DKK3: variants seen among roughly 807,000 people sequenced by gnomAD.
DKK3 encodes dickkopf Wnt signaling pathway inhibitor 3.
In DKK3, 22 loss-of-function variants were observed where a neutral mutation model predicts 33.2. The ratio of observed to expected loss-of-function variants is 0.66; its 90% CI spans 0.47 to 0.95. DKK3 has a LOEUF of 0.95. Ranked by LOEUF, DKK3 falls within the 40% of genes least tolerant of loss-of-function variation. The pLI, the probability that DKK3 is intolerant of heterozygous loss-of-function variation, is 0.00. For missense variants in DKK3, 398 were observed against 458.4 expected (o/e 0.87, Z 1.20); for synonymous variants, 194 against 188.8 (o/e 1.03, Z -0.23).
chr11:11,977,232 C>A (rs1362689184), intron 3 of DKK3, among the ~76,000 whole-genome samples: 1 of 152,130 alleles, frequency 6.6e-6, no homozygotes, highest in East Asian at 1.9e-4. Flanking sequence ...GCCTGTCATG[C>A]CTTCCTTAAT....
At chr11:11,996,246 A>G (rs1848290791) in intron 3 of DKK3, among the ~76,000 whole-genome samples, 1 of 152,220 alleles carries the variant, frequency 6.6e-6, no homozygotes, top group African/African-American at 2.4e-5. Flanking sequence ...ATAGAATGAG[A>G]CAGTGGTGAC....
At chr11:12,009,421 G>T (rs1247046538), upstream of DKK3, 33 of 962,946 alleles carry the variant, frequency 3.4e-5, no homozygotes, top group Admixed American at 6.5e-5. Flanking sequence ...CCGCGGAGGG[G>T]CCGCAGCCCG....
chr11:11,989,310 C>T (rs537056551), intron 3 of DKK3, among the ~76,000 whole-genome samples: 1 of 152,188 alleles, frequency 6.6e-6, no homozygotes, highest in South Asian at 2.1e-4. Flanking sequence ...TGGAAGCAAC[C>T]CAAGGGTGCA....
At chr11:11,965,991 G>A (rs1224589979) in intron 5 of DKK3, 26 bp from the exon 6 acceptor site, 13 of 1,596,242 alleles carry the variant, frequency 8.1e-6, no homozygotes, top group African/African-American at 1.3e-5. Context: ...AGTCACCCCT[G>A]TGTGCCCCGT....
chr11:11,990,839 T>C (rs562311218), intron 3 of DKK3, among the ~76,000 whole-genome samples: 2 of 152,316 alleles, frequency 1.3e-5, no homozygotes, highest in African/African-American at 4.8e-5. Flanking sequence ...CTAGACAACA[T>C]TCAAAATACA....
chr11:11,968,851 G>A (rs2087882), intron 3 of DKK3: 64,565 of 160,098 alleles, frequency 0.4, 13,968 homozygotes, highest in Admixed American at 0.57. Flanking sequence ...GTCCAGGCCC[G>A]CCCGACTGCA....
intron 1 of DKK3, among the ~76,000 whole-genome samples, chr11:12,005,502 T>C (rs952228266): frequency 6.6e-6 from 1 of 152,178 alleles, no homozygotes; most frequent in African/African-American, 2.4e-5. Context: ...TCAGAATACA[T>C]TGATTGGTAG....
intron 3 of DKK3, among the ~76,000 whole-genome samples, chr11:11,992,104 T>C (rs567239239): frequency 3.9e-5 from 6 of 152,364 alleles, no homozygotes; most frequent in East Asian, 1.9e-4. Context: ...TTAATACTGA[T>C]AATTTTGATA....
intron 1 of DKK3, among the ~76,000 whole-genome samples, chr11:12,006,590 C>T (rs541383152): frequency 6.6e-6 from 1 of 152,260 alleles, no homozygotes; most frequent in Non-Finnish European, 1.5e-5. Flanking sequence ...CAAACTTCAA[C>T]CCCCCAACCT....
At chr11:11,977,585 TC>T (rs1396920376) in intron 3 of DKK3, among the ~76,000 whole-genome samples, 4 of 152,128 alleles carry the variant, frequency 2.6e-5, no homozygotes, top group Admixed American at 2.6e-4. Context: ...CTCTACCCAC[TC>T]CCCCCAACAC....
chr11:11,994,153 C>T (rs1340577763), intron 3 of DKK3, among the ~76,000 whole-genome samples: 1 of 152,154 alleles, frequency 6.6e-6, no homozygotes, highest in African/African-American at 2.4e-5. Flanking sequence ...CCTTTCGCAT[C>T]TCCCCCCAGT....
chr11:12,000,855 C>G (rs185049619), intron 2 of DKK3, among the ~76,000 whole-genome samples: 1 of 152,134 alleles, frequency 6.6e-6, no homozygotes, highest in Non-Finnish European at 1.5e-5. Flanking sequence ...TTGAGAACTA[C>G]TGCACTGTGT....
intron 2 of DKK3, 128 bp from the exon 3 acceptor site, chr11:11,998,907 C>G (rs1848361966): frequency 1.3e-6 from 1 of 764,188 alleles, no homozygotes; most frequent in Non-Finnish European, 2.2e-6. Flanking sequence ...AAATGCCCAC[C>G]CCGCTTTCTT....
chr11:11,969,600 C>G (rs1162790651), intron 3 of DKK3, among the ~76,000 whole-genome samples: 1 of 152,160 alleles, frequency 6.6e-6, no homozygotes, highest in East Asian at 1.9e-4. Context: ...GCCTGGTATT[C>G]TGGGGCCCAG....
rs576452741 is a variant in DKK3, at chr11:12,004,343, C to T, written c.214-1906G>A. Reference sequence around the variant, plus strand: ...ACTACAGCAAGTTCCAGAAGGCTAGCGGGAAATAATATAAAGAGTAGATCA... The same window carrying T: ...ACTACAGCAAGTTCCAGAAGGCTAGTGGGAAATAATATAAAGAGTAGATCA... On this transcript the variant is annotated intron_variant, in intron 1 of 6. Transcript: ENST00000683431. Among the ~76,000 whole-genome samples the T allele has an allele frequency of 6.6e-5, 10 of 152,104 alleles. No homozygotes were observed. In the South Asian group the frequency reaches 1.0e-3, roughly 16 times the overall value.
At chr11:12,007,846 T>C (rs1485077810) in intron 1 of DKK3, among the ~76,000 whole-genome samples, 1 of 152,188 alleles carries the variant, frequency 6.6e-6, no homozygotes, top group Non-Finnish European at 1.5e-5. Flanking sequence ...GATTTCCATC[T>C]TCCCTCTCTG....
chr11:12,007,513 G>A (rs1416818963), intron 1 of DKK3, among the ~76,000 whole-genome samples: 1 of 152,206 alleles, frequency 6.6e-6, no homozygotes, highest in Non-Finnish European at 1.5e-5. Context: ...GACCATCACA[G>A]AGGACAGAAC....
chr11:12,002,360 C>T lies in DKK3; in HGVS notation c.291G>A (p.Glu97=), dbSNP rs201692913. ...TTCCAACCTTCGTGTCTGTGTTGGT[C>T]TCATTGTGATAGCTGGGAGGTAAGT... The part of the protein sequence containing the change: ...LANLPPSYHN[E]TNTDTKVGNN... The change falls in exon 2 of 7, where the codon GAG becomes GAA. Residue 97 remains glutamate (E), a synonymous_variant. Coordinates refer to ENST00000683431, the MANE Select transcript of DKK3 (RefSeq NM_001018057.2). The T allele has an allele frequency of 1.2e-6, 2 of 1,614,076 alleles. No homozygotes were observed. The highest frequency in any genetic ancestry group is 1.7e-6 in the Non-Finnish European group (2 of 1,180,018).
intron 3 of DKK3, among the ~76,000 whole-genome samples, chr11:11,974,531 A>G (rs922793337): frequency 2.0e-5 from 3 of 152,206 alleles, no homozygotes; most frequent in Non-Finnish European, 2.9e-5. Context: ...AGAAAAGGGG[A>G]CCAAACTTGC....
Sources: allele counts gnomAD v4.1 joint callset (sites outside exome capture counted in the v4.1 genomes callset), GRCh38; gene constraint gnomAD v4.1.1; transcripts MANE v1.5; gene names NCBI Gene and HGNC (gene_info 2026-07-23, HGNC 2026-07-21).